Variants in DIAPH3 observed in about 807,000 individuals in gnomAD.
DIAPH3 encodes the protein diaphanous related formin 3, also known as protein diaphanous homolog 3.
In DIAPH3, 117 loss-of-function variants were observed where a neutral mutation model predicts 144.3. The observed-to-expected ratio is 0.81, with a 90% CI of 0.70 to 0.95. The LOEUF is 0.95. Ranked by LOEUF, DIAPH3 falls within the 40% of genes least tolerant of loss-of-function variation. The pLI is 0.00. For synonymous variants in DIAPH3, 519 were observed against 488.9 expected, an observed-to-expected ratio of 1.06 and a Z score of -0.81; for missense variants, 1,421 against 1,412.7, an observed-to-expected ratio of 1.01 and a Z score of -0.09.
intron 17 of DIAPH3, among the ~76,000 whole-genome samples, chr13:59,964,250 C>G (rs1454940907): frequency 6.6e-6 from 1 of 152,006 alleles, no homozygotes; most frequent in Non-Finnish European, 1.5e-5. Flanking sequence ...GCAACAGTAT[C>G]CTCCAATCTA....
intron 13 of DIAPH3, among the ~76,000 whole-genome samples, chr13:59,983,139 T>TAA (rs4054895): frequency 0.096 from 10,085 of 104,508 alleles, 1,077 homozygotes; most frequent in African/African-American, 0.24. Flanking sequence ...GCTTTATCTT[T>TAA]AAAAAAAAAA....
At chr13:59,928,044 C>T (rs548350811) in intron 17 of DIAPH3, among the ~76,000 whole-genome samples, 1 of 152,238 alleles carries the variant, frequency 6.6e-6, no homozygotes, top group Admixed American at 6.5e-5. Flanking sequence ...TTAATTTTAT[C>T]CCACATGTCA....
chr13:59,955,297 G>A (rs776344011), intron 17 of DIAPH3, among the ~76,000 whole-genome samples: 7 of 151,800 alleles, frequency 4.6e-5, no homozygotes, highest in Non-Finnish European at 7.4e-5. Flanking sequence ...TCATGGGGGC[G>A]GGTTTCTCCT....
At chr13:59,919,107 G>A (rs770292621) in intron 18 of DIAPH3, among the ~76,000 whole-genome samples, 73 of 151,892 alleles carry the variant, frequency 4.8e-4, no homozygotes, top group Non-Finnish European at 8.8e-4. Context: ...CTTAAAGACA[G>A]TTTATTTAAA....
intron 1 of DIAPH3, among the ~76,000 whole-genome samples, chr13:60,155,581 C>T (rs1951992889): frequency 6.6e-6 from 1 of 152,164 alleles, no homozygotes; most frequent in African/African-American, 2.4e-5. Flanking sequence ...CCTTCTGAAG[C>T]TTACAATGCC....
At chr13:60,049,852 T>C (rs1186551030) in intron 4 of DIAPH3, among the ~76,000 whole-genome samples, 1 of 152,132 alleles carries the variant, frequency 6.6e-6, no homozygotes, top group Non-Finnish European at 1.5e-5. Flanking sequence ...GAAATAGCTA[T>C]TTAAGAGCCT....
At chr13:59,984,139 C>T (rs1252225577) in intron 12 of DIAPH3, among the ~76,000 whole-genome samples, 1 of 151,540 alleles carries the variant, frequency 6.6e-6, no homozygotes, top group South Asian at 2.1e-4. Flanking sequence ...TTATAAAAGT[C>T]AAAACCTTGA....
intron 7 of DIAPH3, among the ~76,000 whole-genome samples, chr13:60,011,549 T>A (rs1594327395): frequency 6.6e-6 from 1 of 152,232 alleles, no homozygotes; most frequent in African/African-American, 2.4e-5. Flanking sequence ...TTGATGACAT[T>A]TCACTTCTTT....
rs1026108624 is a variant in DIAPH3, at chr13:59,703,967, C to T, written c.3320-37121G>A. ...TCCATCCAGTCAGGAACTGAGCTAACCCCAGGCTAAGTTGCAGTTTTAGCA... is the reference window on the plus strand; with the variant it reads ...TCCATCCAGTCAGGAACTGAGCTAATCCCAGGCTAAGTTGCAGTTTTAGCA... On this transcript the variant is annotated intron_variant, in intron 27 of 27. Coordinates refer to ENST00000400324, the MANE Select transcript of DIAPH3 (RefSeq NM_001042517.2). 5.9e-5 allele frequency among the ~76,000 whole-genome samples: 9 copies of T among 152,160 alleles called. No individual in the cohort carries two copies. The East Asian group carries it at 1.7e-3, about 29-fold the overall frequency.
chr13:60,115,775 C>T (rs546703570), intron 2 of DIAPH3, among the ~76,000 whole-genome samples: 22 of 151,608 alleles, frequency 1.5e-4, no homozygotes, highest in South Asian at 1.2e-3. Flanking sequence ...TTTCTTTTTT[C>T]GAGATTTCTA....
chr13:59,991,176 C>T lies in DIAPH3; in HGVS notation c.1343G>A (p.Arg448Gln), dbSNP rs145827856. ...ISILQHLLLI[R>Q]NDYFIRQQYF... ...CTCTTACCTTATAAAATAATCATTT[C>T]GAATCAGCAAAAGATGCTGAAGAAT... Residue 448 changes from arginine (R) to glutamine (Q), a missense_variant, in exon 12 of 28, where the codon CGA becomes CAA. Arg to Gln is a conservative substitution (Grantham distance 43). Transcript: ENST00000400324. 1.0e-5 allele frequency: 16 copies of T among 1,601,962 alleles called. No individual in the cohort carries two copies. Among genetic ancestry groups the T allele is most frequent in the South Asian group, 4.4e-5 (4 of 90,772 alleles).
chr13:59,997,201 T>C (rs1331442565), intron 9 of DIAPH3, among the ~76,000 whole-genome samples: 1 of 152,024 alleles, frequency 6.6e-6, no homozygotes, highest in East Asian at 1.9e-4. Flanking sequence ...TCATCCTTCC[T>C]CCTCTGCCCC....
Position 59,730,502 on chromosome 13 carries a change from G to A in DIAPH3, c.3319+43687C>T, listed in dbSNP as rs571507679. 2.1e-4 allele frequency among the ~76,000 whole-genome samples: 32 copies of A among 152,274 alleles called. 1 individual carries two copies. Among genetic ancestry groups the A allele is most frequent in the East Asian group, 1.5e-3 (8 of 5,178 alleles). Reference sequence around the variant, plus strand: ...AAAAGGAGAGATTGTAGGGTGGAATGCATCACAGAAAAGTAAGTCTGCTAT... The same window carrying A: ...AAAAGGAGAGATTGTAGGGTGGAATACATCACAGAAAAGTAAGTCTGCTAT... On this transcript the variant is annotated intron_variant, in intron 27 of 27. Transcript: ENST00000400324.
intron 7 of DIAPH3, among the ~76,000 whole-genome samples, chr13:60,012,136 C>G (rs1052486225): frequency 1.1e-4 from 17 of 152,142 alleles, no homozygotes; most frequent in African/African-American, 4.1e-4. Context: ...CTATAACCAG[C>G]TTAGACCCAA....
At chr13:59,855,465 T>C (rs1338311310) in intron 22 of DIAPH3, among the ~76,000 whole-genome samples, 1 of 152,066 alleles carries the variant, frequency 6.6e-6, no homozygotes, top group African/African-American at 2.4e-5. Context: ...ATTTGGCTTA[T>C]ATTAACATTA....
At chr13:59,949,450 C>T (rs1195624512) in intron 17 of DIAPH3, among the ~76,000 whole-genome samples, 2 of 152,154 alleles carry the variant, frequency 1.3e-5, no homozygotes, top group African/African-American at 2.4e-5. Context: ...ATCACATCAC[C>T]TGCAATGGGA....
At chr13:60,093,485 A>G (rs1269272754) in intron 4 of DIAPH3, 143 bp downstream of exon 4, 1 of 623,014 alleles carries the variant, frequency 1.6e-6, no homozygotes, top group African/African-American at 1.8e-5. Flanking sequence ...ACAAATGTAT[A>G]ATATACTTGT....
chr13:59,814,081 C>CAAT (rs1250829854), intron 24 of DIAPH3, among the ~76,000 whole-genome samples: 1 of 151,940 alleles, frequency 6.6e-6, no homozygotes, highest in Non-Finnish European at 1.5e-5. Flanking sequence ...GATGAACCTA[C>CAAT]AATAAATAAA....
At chr13:60,114,580 A>G (rs962935838) in intron 2 of DIAPH3, among the ~76,000 whole-genome samples, 3 of 151,934 alleles carry the variant, frequency 2.0e-5, no homozygotes, top group Non-Finnish European at 4.4e-5. Context: ...AAAATTGATT[A>G]CATATATATA....
Sources: allele counts gnomAD v4.1 joint callset (sites outside exome capture counted in the v4.1 genomes callset), GRCh38; gene constraint gnomAD v4.1.1; transcripts MANE v1.5; gene names NCBI Gene and HGNC (gene_info 2026-07-23, HGNC 2026-07-21).